The following MYBPC2 variants were observed in gnomAD, a reference collection of about 807,000 sequenced individuals.
The protein encoded by MYBPC2 is myosin-binding protein C, fast-type.
Under a neutral mutation model 137.0 loss-of-function variants are expected in MYBPC2, and 122 were observed. That is an observed-to-expected ratio of 0.89 (90% CI 0.77 to 1.03). The LOEUF is 1.03. MYBPC2 is among the 50% of genes least tolerant of loss of function. The probability of loss-of-function intolerance (pLI) is 0.00; values close to 1 mark genes in which losing one functional copy is unlikely to be tolerated. For missense variants in MYBPC2, 1,500 were observed against 1,534.4 expected, an observed-to-expected ratio of 0.98 and a Z score of 0.37; for synonymous variants, 626 against 612.3, an observed-to-expected ratio of 1.02 and a Z score of -0.33.
At chr19:50,460,982 C>T (rs1288276596) in intron 24 of MYBPC2, among the ~76,000 whole-genome samples, 1 of 145,168 alleles carries the variant, frequency 6.9e-6, no homozygotes, top group Non-Finnish European at 1.5e-5. Context: ...TGAGCCACTG[C>T]ACCTGGCCTT....
At position 50,460,155 on chromosome 19, in the gene MYBPC2, C is replaced by A. The variant is rs1404883580; in HGVS notation, c.2907C>A (p.Val969=). The change falls in exon 24 of 28, where the codon GTC becomes GTA. Residue 969 remains valine, a synonymous_variant. Transcript: ENST00000357701. ...DGNSEIMGYF[V]QKADKKTMEW... is the part of the protein sequence containing the mutation. ...ACAGTGAGATCATGGGGTATTTCGT[C>A]CAGAAAGCAGACAAAAAAACCATGG... The A allele has an allele frequency of 6.2e-7, 1 of 1,600,136 alleles. No homozygotes were observed. Among genetic ancestry groups the A allele is most frequent in the Non-Finnish European group, 8.5e-7 (1 of 1,173,736 alleles).
intron 7 of MYBPC2, among the ~76,000 whole-genome samples, chr19:50,440,556 G>A (rs1485092090): frequency 1.3e-5 from 2 of 151,576 alleles, no homozygotes; most frequent in African/African-American, 2.4e-5. Flanking sequence ...CCAGCTACTC[G>A]GGAGGCTGAG....
chr19:50,448,563 G>T (rs1342382774), intron 13 of MYBPC2, among the ~76,000 whole-genome samples, 173 bp downstream of exon 13: 1 of 152,058 alleles, frequency 6.6e-6, no homozygotes, highest in African/African-American at 2.4e-5. Context: ...CCGCCTCCCG[G>T]ATTCAAGCGA....
intron 26 of MYBPC2, among the ~76,000 whole-genome samples, chr19:50,463,195 G>T (rs1409339092): frequency 6.6e-6 from 1 of 152,220 alleles, no homozygotes; most frequent in African/African-American, 2.4e-5. Flanking sequence ...TTTGTTTACA[G>T]CTACTGCAGA....
At chr19:50,437,340 C>A in intron 5 of MYBPC2, 133 bp from the exon 6 acceptor site, 2 of 992,132 alleles carry the variant, frequency 2.0e-6, no homozygotes, top group African/African-American at 1.6e-5. Context: ...CAGGCCTGAG[C>A]AAGGTTGTGC....
Position 50,450,849 on chromosome 19 carries a change from A to T in MYBPC2, c.1493A>T (p.Asp498Val). 6.4e-7 allele frequency: 1 copy of T among 1,573,854 alleles called. No individual in the cohort carries two copies. The change falls in exon 14 of 28, where the codon GAT (aspartate) becomes GTT (valine). Residue 498 changes from aspartate (D) to valine (V), a missense_variant. Asp to Val is a radical substitution (Grantham distance 152, BLOSUM62 -3). Coordinates refer to ENST00000357701, the MANE Select transcript of MYBPC2 (RefSeq NM_004533.4). ...HVGRFHKLVI[D>V]DVRPEDEGDY... ...CTTAGGTTCCACAAGCTGGTGATCG[A>T]TGACGTCCGCCCCGAGGATGAGGGA...
rs374279516 is a variant in MYBPC2 at position 50,454,368 on chromosome 19, C to T, written c.2013C>T (p.Thr671=). 8.5e-5 allele frequency: 136 copies of T among 1,603,992 alleles called. No individual in the cohort carries two copies. Among genetic ancestry groups the T allele is most frequent in the Non-Finnish European group, 9.8e-5 (115 of 1,173,826 alleles). The change falls in exon 18 of 28, where the codon ACC becomes ACT. Residue 671 remains threonine (T), a splice_region_variant and synonymous_variant. Coordinates refer to ENST00000357701, the MANE Select transcript of MYBPC2 (RefSeq NM_004533.4). The part of the protein sequence containing the change: ...PPMYDGGKPV[T]GYLVERKKKG... ...TGTACGATGGGGGGAAGCCAGTCAC[C>T]GGTGAGTGCCTCTGTCCTCATGACC...
At chr19:50,444,879 C>CAAAAAA (rs34557075) in intron 11 of MYBPC2, among the ~76,000 whole-genome samples, 1 of 67,276 alleles carries the variant, frequency 1.5e-5, no homozygotes, top group Non-Finnish European at 2.9e-5. Flanking sequence ...GACTCCGTCT[C>CAAAAAA]AAAAAAAAAA....
At chr19:50,464,090 C>T in intron 26 of MYBPC2, 1 of 389,296 alleles carries the variant, frequency 2.6e-6, no homozygotes, top group South Asian at 2.8e-5. Flanking sequence ...AGTGTGGGAC[C>T]CTGTGGGCCA....
chr19:50,462,026 G>A lies in MYBPC2; in HGVS notation c.3218G>A (p.Gly1073Asp), dbSNP rs2039977317. ...GCAGCCCTCAACTGTGCTGTCAGAG[G>A]CCACCCGAAGGTGCCAGGGCAGGGA... ...YSAALNCAVR[G>D]HPKPKVVWMK... The change falls in exon 26 of 28, where the codon GGC becomes GAC. Residue 1073 changes from glycine (G) to aspartate (D), a missense_variant. Coordinates refer to ENST00000357701, the MANE Select transcript of MYBPC2 (RefSeq NM_004533.4). The A allele has an allele frequency of 6.4e-7, 1 of 1,572,242 alleles. No homozygotes were observed. The highest frequency in any genetic ancestry group is 8.6e-7 in the Non-Finnish European group (1 of 1,158,858).
chr19:50,458,250 C>CAG (rs141789185), intron 20 of MYBPC2, among the ~76,000 whole-genome samples: 2,564 of 148,992 alleles, frequency 0.017, 89 homozygotes, highest in African/African-American at 0.06. Context: ...GCGGAGGTTG[C>CAG]AGTGAGCCAA....
intron 15 of MYBPC2, 108 bp downstream of exon 15, chr19:50,451,417 G>C (rs2039856771): frequency 1.3e-5 from 16 of 1,242,132 alleles, no homozygotes; most frequent in Non-Finnish European, 1.7e-5. Flanking sequence ...AGGATGGGCG[G>C]GGTGCGGGAG....
At position 50,448,421 on chromosome 19, in the gene MYBPC2, G is replaced by T. The variant is rs763255179; in HGVS notation, c.1472+31G>T. The T allele has an allele frequency of 3.7e-6, 6 of 1,609,818 alleles. No individual in the cohort carries two copies. In the African/African-American group the frequency reaches 6.7e-5, roughly 18 times the overall value. ...GAGTGGGCTGCAGAAGTGGCTGGGG[G>T]TAGGGTGTGCATAGCAGTTAGCTTT... On this transcript the variant is annotated intron_variant, in intron 13 of 27. Coordinates refer to ENST00000357701, the MANE Select transcript of MYBPC2 (RefSeq NM_004533.4).
intron 20 of MYBPC2, among the ~76,000 whole-genome samples, chr19:50,457,586 A>G (rs2039924950): frequency 6.6e-6 from 1 of 152,130 alleles, no homozygotes; most frequent in East Asian, 1.9e-4. Context: ...CTGCGTGTCC[A>G]GGATGGTCTT....
In MYBPC2 at chr19:50,443,613, T is replaced by C. The variant is rs768624506; in HGVS notation, c.1022T>C (p.Val341Ala). ...GAGAAGTGTTTCACCGAGCTCTTCG[T>C]CAAAGGTGAGGCTGGAATTCAGAAC... ...KDEKCFTELF[V>A]KEPPVLIVTP... The change falls in exon 10 of 28, where the codon GTC becomes GCC. Residue 341 changes from valine to alanine, a missense_variant. Val to Ala is a moderately conservative substitution (Grantham distance 64). Coordinates refer to ENST00000357701, the MANE Select transcript of MYBPC2 (RefSeq NM_004533.4). 2 of 1,613,610 alleles carry C rather than the reference T, an allele frequency of 1.2e-6. No homozygotes were observed. The highest frequency in any genetic ancestry group is 1.7e-6 in the Non-Finnish European group (2 of 1,179,644).
chr19:50,455,727 T>A, intron 20 of MYBPC2, 83 bp downstream of exon 20: 1 of 1,563,220 alleles, frequency 6.4e-7, no homozygotes, highest in Non-Finnish European at 8.7e-7. Context: ...TAGGACCATG[T>A]GGGACAGAGA....
rs535566546 is a variant in MYBPC2 at position 50,451,761 on chromosome 19, C to G, written c.1610-103C>G. The G allele has an allele frequency of 2.2e-5, 33 of 1,488,714 alleles. No individual in the cohort carries two copies. The South Asian group carries it at 4.1e-4, about 19-fold the overall frequency. 92.2% of individuals were successfully genotyped at this position (1,488,714 alleles called of 1,614,324 possible). A position where few individuals can be genotyped will look rare whatever the true frequency, so the allele number is the denominator to read the frequency against. On this transcript the variant is annotated intron_variant, in intron 15 of 27. Transcript: ENST00000357701. ...GGCTTCAGGACATGGATCCCTGTGTCTCTGTCACTGTTGGAACCCAACTTT... is the reference window on the plus strand; with the variant it reads ...GGCTTCAGGACATGGATCCCTGTGTGTCTGTCACTGTTGGAACCCAACTTT...
chr19:50,457,523 C>T lies in MYBPC2; in HGVS notation c.2339-1064C>T, dbSNP rs140810596. 1.7e-4 allele frequency among the ~76,000 whole-genome samples: 26 copies of T among 152,192 alleles called. No homozygotes were observed. The East Asian group carries it at 4.8e-3, about 28-fold the overall frequency. On this transcript the variant is annotated intron_variant, in intron 20 of 27. Coordinates refer to ENST00000357701, the MANE Select transcript of MYBPC2 (RefSeq NM_004533.4). ...CTTGCAGGAGAGCAGAGCTTGAGAG[C>T]GTGCTGGAGTCAGACAGGCCTGGGT...
At chr19:50,441,401 C>G (rs923450031) in intron 8 of MYBPC2, among the ~76,000 whole-genome samples, 3 of 152,198 alleles carry the variant, frequency 2.0e-5, no homozygotes, top group African/African-American at 7.2e-5. Context: ...CTAGCAATTT[C>G]TGTATAACCT....
Sources: gnomAD v4.1 joint callset for allele counts (sites outside exome capture counted in the v4.1 genomes callset) on GRCh38, gnomAD v4.1.1 for gene constraint, MANE v1.5 for transcripts, NCBI Gene and HGNC (gene_info 2026-07-23, HGNC 2026-07-21) for gene names.